Variants in CAPSL observed in about 807,000 individuals in gnomAD.
The protein encoded by CAPSL is calcyphosin-like protein.
In CAPSL, 17 loss-of-function variants were observed where a neutral mutation model predicts 21.3. The observed-to-expected ratio is 0.80, with a 90% confidence interval of 0.55 to 1.20. The LOEUF (loss-of-function observed/expected upper bound fraction) is 1.20, where lower values mean the gene tolerates loss of function less well. Ranked by LOEUF, CAPSL falls within the 50% of genes most tolerant of loss-of-function variation. The probability of loss-of-function intolerance (pLI) is 0.00; values close to 1 mark genes in which losing one functional copy is unlikely to be tolerated. For missense variants in CAPSL, 289 were observed against 259.3 expected, an observed-to-expected ratio of 1.11 and a Z score of -0.79; for synonymous variants, 102 against 89.3, an observed-to-expected ratio of 1.14 and a Z score of -0.80.
chr5:35,933,266 G>A (rs1738865161), intron 1 of CAPSL, among the ~76,000 whole-genome samples: 1 of 152,146 alleles, frequency 6.6e-6, no homozygotes, highest in African/African-American at 2.4e-5. Context: ...TTCAAAGTCA[G>A]TTTGTTTAGA....
Position 35,912,252 on chromosome 5 carries a change from C to T in CAPSL, c.138-1709G>A, listed in dbSNP as rs186139620. Among the ~76,000 whole-genome samples, 195 of 152,326 alleles carry T rather than the reference C, an allele frequency of 1.3e-3. 4 individuals are homozygous for T. In the East Asian group the frequency reaches 0.024, roughly 19 times the overall value. ...TGGAGCTCACTGCAGCTCAAGGAGG[C>T]CTGCCTGCCTCTGTAGACTCCACCT... On this transcript the variant is annotated intron_variant, in intron 2 of 4. Coordinates refer to ENST00000651391, the MANE Select transcript of CAPSL (RefSeq NM_001042625.2).
chr5:35,909,649 G>A (rs1738157617), intron 4 of CAPSL, among the ~76,000 whole-genome samples: 1 of 152,160 alleles, frequency 6.6e-6, no homozygotes, highest in South Asian at 2.1e-4. Context: ...GTCTATGAGT[G>A]TGTGCGTGCA....
intron 2 of CAPSL, among the ~76,000 whole-genome samples, chr5:35,912,850 G>T (rs187014775): frequency 2.0e-5 from 3 of 152,326 alleles, no homozygotes; most frequent in Admixed American, 6.5e-5. Context: ...ATGGAACAAA[G>T]CTGGATGGAG....
intron 1 of CAPSL, among the ~76,000 whole-genome samples, chr5:35,924,089 ACAAGCCTATGAGC>A (rs915488479): frequency 2.0e-4 from 30 of 152,302 alleles, no homozygotes; most frequent in Non-Finnish European, 3.7e-4. Context: ...AAAAAGAAAA[ACAAGCCTATGAGC>A]TAGTTACTAC....
intron 1 of CAPSL, among the ~76,000 whole-genome samples, chr5:35,934,363 C>T (rs1738892727): frequency 6.6e-6 from 1 of 152,186 alleles, no homozygotes. Flanking sequence ...TAAGCCTCCT[C>T]ATCTTGATCA....
At chr5:35,922,898 C>T (rs947205212) in intron 1 of CAPSL, among the ~76,000 whole-genome samples, 6 of 152,204 alleles carry the variant, frequency 3.9e-5, no homozygotes, top group African/African-American at 1.4e-4. Flanking sequence ...CTAGCCATGT[C>T]CTGCTGTCTT....
chr5:35,938,675 T>C (rs1739018078), upstream of CAPSL: 1 of 152,898 alleles, frequency 6.5e-6, no homozygotes, highest in African/African-American at 2.4e-5. Context: ...GGGGCCCTGG[T>C]CCACTCTCTT....
At chr5:35,913,055 A>T (rs1251859481) in intron 2 of CAPSL, among the ~76,000 whole-genome samples, 1 of 152,240 alleles carries the variant, frequency 6.6e-6, no homozygotes, top group Non-Finnish European at 1.5e-5. Flanking sequence ...GAACTACGTG[A>T]TGAATGCACA....
At chr5:35,919,170 A>AAAAAATATATATATAT (rs754098152) in intron 2 of CAPSL, among the ~76,000 whole-genome samples, 59 of 121,264 alleles carry the variant, frequency 4.9e-4, no homozygotes, top group South Asian at 4.2e-3. Context: ...TAAAAAAAAA[A>AAAAAATATATATATAT]ATATATATAT....
chr5:35,919,191 A>ATATATATATATATATATAT (rs1561439733), intron 2 of CAPSL, among the ~76,000 whole-genome samples: 4 of 107,450 alleles, frequency 3.7e-5, no homozygotes, highest in African/African-American at 1.3e-4. Context: ...ATATATATAT[A>ATATATATATATATATATAT]AAAATTGTGA....
chr5:35,925,829 C>T (rs112028335), intron 1 of CAPSL, among the ~76,000 whole-genome samples: 20,325 of 152,110 alleles, frequency 0.13, 1,564 homozygotes, highest in Non-Finnish European at 0.18. Flanking sequence ...GTAATCCTAG[C>T]ACTTTGGGAG....
chr5:35,922,963 G>A (rs1738576428), intron 1 of CAPSL, among the ~76,000 whole-genome samples: 1 of 152,070 alleles, frequency 6.6e-6, no homozygotes, highest in African/African-American at 2.4e-5. Flanking sequence ...CTAGTGGCAT[G>A]CGCCCCATCC....
intron 2 of CAPSL, 104 bp from the exon 3 acceptor site, chr5:35,910,647 A>G: frequency 1.1e-6 from 1 of 880,278 alleles, no homozygotes; most frequent in Non-Finnish European, 1.7e-6. Context: ...AAATTAAAAT[A>G]CAAAAGTCTT....
chr5:35,918,863 T>C (rs1738458358), intron 2 of CAPSL, among the ~76,000 whole-genome samples: 1 of 151,404 alleles, frequency 6.6e-6, no homozygotes, highest in Non-Finnish European at 1.5e-5. Flanking sequence ...ATCATAAGAG[T>C]CCAGTGAAAA....
At chr5:35,935,457 C>T (rs1194014335) in intron 1 of CAPSL, among the ~76,000 whole-genome samples, 8 of 151,938 alleles carry the variant, frequency 5.3e-5, no homozygotes, top group Non-Finnish European at 1.2e-4. Context: ...CGAAACCTCC[C>T]GAGTAGCTAG....
At chr5:35,919,166 A>ATATATAT (rs1346382394) in intron 2 of CAPSL, among the ~76,000 whole-genome samples, 1 of 116,738 alleles carries the variant, frequency 8.6e-6, no homozygotes, top group African/African-American at 3.4e-5. Flanking sequence ...TGATTAAAAA[A>ATATATAT]AAAAATATAT....
intron 1 of CAPSL, among the ~76,000 whole-genome samples, chr5:35,930,271 T>C (rs764534553): frequency 2.6e-5 from 4 of 152,220 alleles, no homozygotes; most frequent in Non-Finnish European, 4.4e-5. Context: ...AATAGGCAGG[T>C]TTGTGTAGAG....
In CAPSL at chr5:35,921,125, G is replaced by A. The variant is rs867185451; in HGVS notation, c.1-5C>T. ...ATGGCGCGCTGTCCCTGCCATCTGAGGGGAAGCCATAGCATGTTAGCAAAG... is the reference window on the plus strand; with the variant it reads ...ATGGCGCGCTGTCCCTGCCATCTGAAGGGAAGCCATAGCATGTTAGCAAAG... On this transcript the variant is annotated splice_region_variant and splice_polypyrimidine_tract_variant and intron_variant, in intron 1 of 4. Transcript: ENST00000651391. The A allele has an allele frequency of 2.5e-6, 4 of 1,613,652 alleles. No homozygotes were observed. The highest frequency in any genetic ancestry group is 3.4e-6 in the Non-Finnish European group (4 of 1,179,932).
At chr5:35,936,383 T>A (rs926262530) in intron 1 of CAPSL, among the ~76,000 whole-genome samples, 1 of 152,120 alleles carries the variant, frequency 6.6e-6, no homozygotes, top group Non-Finnish European at 1.5e-5. Context: ...CTGTGGTCCC[T>A]CAGTCCTGGA....
Sources: allele counts gnomAD v4.1 joint callset (sites outside exome capture counted in the v4.1 genomes callset), GRCh38; gene constraint gnomAD v4.1.1; transcripts MANE v1.5; gene names NCBI Gene and HGNC (gene_info 2026-07-23, HGNC 2026-07-21).